The following WNT7A variants were observed in gnomAD, a reference collection of about 807,000 sequenced individuals.
WNT7A encodes the protein Wnt family member 7A, also known as protein Wnt-7a.
Under a neutral mutation model 28.2 loss-of-function variants are expected in WNT7A, and 16 were observed. The observed-to-expected ratio is 0.57, with a 90% CI of 0.38 to 0.86. The LOEUF (loss-of-function observed/expected upper bound fraction) is 0.86, where lower values mean the gene tolerates loss of function less well. Ranked by LOEUF, WNT7A falls within the 40% of genes least tolerant of loss-of-function variation. The probability of loss-of-function intolerance (pLI) is 0.00; values close to 1 mark genes in which losing one functional copy is unlikely to be tolerated. For missense variants in WNT7A, 411 were observed against 489.7 expected, an observed-to-expected ratio of 0.84 and a Z score of 1.52; for synonymous variants, 190 against 195.9, an observed-to-expected ratio of 0.97 and a Z score of 0.25.
At chr3:13,867,118 G>A (rs1455459533) in intron 2 of WNT7A, among the ~76,000 whole-genome samples, 4 of 152,158 alleles carry the variant, frequency 2.6e-5, no homozygotes, top group African/African-American at 9.7e-5. Context: ...TCATCCAATG[G>A]ATAACAATGA....
chr3:13,826,421 G>A (rs1025828522), intron 3 of WNT7A, among the ~76,000 whole-genome samples: 3 of 152,158 alleles, frequency 2.0e-5, no homozygotes. Flanking sequence ...TCAGATAACG[G>A]GAGGGATAAA....
At chr3:13,850,167 G>A (rs771856758) in intron 3 of WNT7A, among the ~76,000 whole-genome samples, 35 of 152,154 alleles carry the variant, frequency 2.3e-4, no homozygotes, top group Admixed American at 7.2e-4. Context: ...TGGAGGGCAC[G>A]GCAGACTGAG....
At chr3:13,878,997 C>G (rs1408927826) in intron 1 of WNT7A, among the ~76,000 whole-genome samples, 1 of 152,232 alleles carries the variant, frequency 6.6e-6, no homozygotes, top group Non-Finnish European at 1.5e-5. Flanking sequence ...CTCGCGCGCC[C>G]GGCCGCCTCT....
At chr3:13,843,034 C>T (rs137926233) in intron 3 of WNT7A, among the ~76,000 whole-genome samples, 288 of 152,260 alleles carry the variant, frequency 1.9e-3, no homozygotes, top group Non-Finnish European at 2.8e-3. Context: ...GGAGGACCAG[C>T]GTGGCCTTGC....
At chr3:13,821,980 A>C (rs569760789) in intron 3 of WNT7A, among the ~76,000 whole-genome samples, 1 of 152,274 alleles carries the variant, frequency 6.6e-6, no homozygotes, top group Non-Finnish European at 1.5e-5. Context: ...ATGGCCAACA[A>C]GCACATGAGA....
At chr3:13,857,339 C>T (rs1170514526) in intron 2 of WNT7A, among the ~76,000 whole-genome samples, 5 of 152,156 alleles carry the variant, frequency 3.3e-5, no homozygotes, top group Non-Finnish European at 5.9e-5. Context: ...TTGAGTGCTG[C>T]TGAGGCAGGG....
At chr3:13,833,216 C>G (rs573363283) in intron 3 of WNT7A, among the ~76,000 whole-genome samples, 1 of 152,226 alleles carries the variant, frequency 6.6e-6, no homozygotes, top group East Asian at 1.9e-4. Flanking sequence ...AGCACACACT[C>G]TTACGCCTGT....
intron 3 of WNT7A, among the ~76,000 whole-genome samples, chr3:13,828,791 A>G (rs1430899412): frequency 6.6e-6 from 1 of 152,190 alleles, no homozygotes; most frequent in Non-Finnish European, 1.5e-5. Context: ...ACCTCAGGTT[A>G]TAAGCAGTGA....
At chr3:13,879,232 C>T (rs1346755962) in intron 1 of WNT7A, among the ~76,000 whole-genome samples, 1 of 152,220 alleles carries the variant, frequency 6.6e-6, no homozygotes, top group Non-Finnish European at 1.5e-5. Flanking sequence ...TGTCCTTCCT[C>T]CTGGGTACCT....
Position 13,845,860 on chromosome 3 carries a change from A to G in WNT7A, c.570+8672T>C, listed in dbSNP as rs151149717. 6.5e-3 allele frequency among the ~76,000 whole-genome samples: 997 copies of G among 152,342 alleles called. 11 individuals carry two copies. Among genetic ancestry groups the G allele is most frequent in the African/African-American group, 0.022 (928 of 41,576 alleles). The stretch of plus-strand genomic sequence containing the variant: ...GAGGCGAGTCTCACGACTACCTGGA[A>G]GGATCGGAGGAGAAGAGAAGTCTCT... On this transcript the variant is annotated intron_variant, in intron 3 of 3. Transcript: ENST00000285018.
chr3:13,836,820 A>C (rs1225010669), intron 3 of WNT7A, among the ~76,000 whole-genome samples: 4 of 152,256 alleles, frequency 2.6e-5, no homozygotes, highest in Admixed American at 2.6e-4. Context: ...AGGGAAGGGT[A>C]TCACCTGTGC....
Position 13,852,145 on chromosome 3 carries a change from C to T in WNT7A, c.570+2387G>A, listed in dbSNP as rs549246034. 4.6e-5 allele frequency among the ~76,000 whole-genome samples: 7 copies of T among 152,310 alleles called. No individual in the cohort carries two copies. The South Asian group carries it at 1.5e-3, about 32-fold the overall frequency. On this transcript the variant is annotated intron_variant, in intron 3 of 3. Transcript: ENST00000285018. The stretch of plus-strand genomic sequence containing the variant: ...TCGACTGCCAGGGGAGTTGGGGGCT[C>T]CCCTTCAGCCCAGGGGCAGCCCCTC...
At chr3:13,849,414 A>G (rs965416816) in intron 3 of WNT7A, among the ~76,000 whole-genome samples, 3 of 152,162 alleles carry the variant, frequency 2.0e-5, no homozygotes, top group African/African-American at 7.2e-5. Flanking sequence ...ATTCAACTCT[A>G]AGTGGGAGTC....
At chr3:13,844,288 C>A (rs1694504905) in intron 3 of WNT7A, among the ~76,000 whole-genome samples, 1 of 152,124 alleles carries the variant, frequency 6.6e-6, no homozygotes, top group African/African-American at 2.4e-5. Context: ...GACAATAGGC[C>A]CTTCCCTGTG....
At chr3:13,842,879 T>C (rs1694484479) in intron 3 of WNT7A, among the ~76,000 whole-genome samples, 1 of 152,184 alleles carries the variant, frequency 6.6e-6, no homozygotes, top group Admixed American at 6.5e-5. Flanking sequence ...CTGGACTTTA[T>C]GGACAACTTT....
At position 13,818,875 on chromosome 3, in the gene WNT7A, G is replaced by T; in HGVS notation, c.*69C>A. Reference sequence around the variant, plus strand: ...AGCTCAGCATCCTGCCAGGGAGCCCGCAGCTTGGAAACGGTCCAGTCCTCC... The same window carrying T: ...AGCTCAGCATCCTGCCAGGGAGCCCTCAGCTTGGAAACGGTCCAGTCCTCC... On this transcript the variant is annotated 3_prime_UTR_variant, in exon 4 of 4. Transcript: ENST00000285018. The T allele has an allele frequency of 6.6e-7, 1 of 1,508,490 alleles. No homozygotes were observed. Among genetic ancestry groups the T allele is most frequent in the Non-Finnish European group, 8.9e-7 (1 of 1,126,944 alleles). 93.4% of individuals were successfully genotyped at this position (1,508,490 alleles called of 1,614,324 possible).
intron 3 of WNT7A, among the ~76,000 whole-genome samples, chr3:13,836,422 G>A (rs1308740698): frequency 6.6e-6 from 1 of 152,210 alleles, no homozygotes; most frequent in African/African-American, 2.4e-5. Flanking sequence ...AGAATCTGCT[G>A]ATGCCTGGAC....
At chr3:13,879,679 C>A in intron 1 of WNT7A, 67 bp downstream of exon 1, 1 of 1,557,306 alleles carries the variant, frequency 6.4e-7, no homozygotes, top group Non-Finnish European at 8.8e-7. Flanking sequence ...GCAGGCGGCA[C>A]ACCTCCCTCC....
chr3:13,879,980 G>T lies in WNT7A; in HGVS notation c.-164C>A, dbSNP rs73151669. 0.055 allele frequency: 24,177 copies of T among 440,488 alleles called. 1,632 individuals carry two copies. Among genetic ancestry groups the T allele is most frequent in the East Asian group, 0.24 (6,304 of 25,764 alleles). 27.3% of individuals were successfully genotyped at this position (440,488 alleles called of 1,614,324 possible). A position where few individuals can be genotyped will look rare whatever the true frequency, so the allele number is the denominator to read the frequency against. ...GCGCTCCGCGCCTGAGCCTCGCCAG[G>T]AGCACGGGAGCCACGGAGCGGGAGG... On this transcript the variant is annotated 5_prime_UTR_variant, in exon 1 of 4. Coordinates refer to ENST00000285018, the MANE Select transcript of WNT7A (RefSeq NM_004625.4).
Sources: allele counts gnomAD v4.1 joint callset (sites outside exome capture counted in the v4.1 genomes callset), GRCh38; gene constraint gnomAD v4.1.1; transcripts MANE v1.5; gene names NCBI Gene and HGNC (gene_info 2026-07-23, HGNC 2026-07-21).